ALDH1L1: variants seen among roughly 807,000 people sequenced by gnomAD.
The protein encoded by ALDH1L1 is cytosolic 10-formyltetrahydrofolate dehydrogenase.
ALDH1L1 carries 68 observed loss-of-function variants against 101.1 expected under a neutral mutation model. The observed-to-expected ratio is 0.67, with a 90% CI of 0.55 to 0.82. ALDH1L1 has a LOEUF of 0.82. ALDH1L1 is among the 40% of genes least tolerant of loss of function. The pLI is 0.00. For synonymous variants in ALDH1L1, 486 were observed against 470.8 expected (o/e 1.03, Z -0.42); for missense variants, 1,087 against 1,172.7 (o/e 0.93, Z 1.07).
rs1330370048 is a variant in ALDH1L1 at position 126,158,556 on chromosome 3, C to T, written c.211G>A (p.Ala71Thr). 6.2e-7 allele frequency: 1 copy of T among 1,614,208 alleles called. No individual in the cohort carries two copies. The highest frequency in any genetic ancestry group is 2.2e-5 in the East Asian group (1 of 44,880). ...AKGQALPDVV[A>T]KYQALGAELN... ...TCGGCCCCCAAAGCCTGGTATTTTG[C>T]CACCACATCAGGCAAAGCCTGTCCT... The change falls in exon 3 of 23, where the codon GCA (alanine) becomes ACA (threonine). Residue 71 changes from alanine (A) to threonine (T), a missense_variant. By Grantham distance (58) the Ala-to-Thr change is moderately conservative. This residue lies in a region of ALDH1L1 where 645 missense variants were observed against 637.0 expected (regional missense o/e 1.01). Transcript: ENST00000393434.
chr3:126,195,915 G>A (rs1365886611), intron 1 of ALDH1L1, among the ~76,000 whole-genome samples: 3 of 152,020 alleles, frequency 2.0e-5, no homozygotes, highest in African/African-American at 7.2e-5. Flanking sequence ...CGAACAATGA[G>A]AACACTTGGA....
rs575953682 is a variant in ALDH1L1 at position 126,108,772 on chromosome 3, G to T, written c.2347+1172C>A. On this transcript the variant is annotated intron_variant, in intron 20 of 22. Transcript: ENST00000393434. ...ATGCATGGAGCCCAAGAAAGCAGGA[G>T]AAGCCTCTGGAGAGAATGAAATGCA... is the stretch of plus-strand genomic sequence containing the variant. Among the ~76,000 whole-genome samples, 237 of 152,352 alleles carry T rather than the reference G, an allele frequency of 1.6e-3. 1 individual carries two copies. Among genetic ancestry groups the T allele is most frequent in the Non-Finnish European group, 2.7e-3 (186 of 68,030 alleles).
At position 126,170,362 on chromosome 3, in the gene ALDH1L1, A is replaced by G. The variant is rs570819435; in HGVS notation, c.-23-9360T>C. On this transcript the variant is annotated intron_variant, in intron 1 of 22. Transcript: ENST00000393434. Reference sequence around the variant, plus strand: ...CTTAATTATTATCCTCATAGCAGGAATAACAGTTACTAACAAAAAATAACA... The same window carrying G: ...CTTAATTATTATCCTCATAGCAGGAGTAACAGTTACTAACAAAAAATAACA... Among the ~76,000 whole-genome samples, 3 of 151,996 alleles carry G rather than the reference A, an allele frequency of 2.0e-5. No individual in the cohort carries two copies. In the South Asian group the frequency reaches 6.2e-4, roughly 32 times the overall value.
Position 126,137,804 on chromosome 3 carries a change from A to G in ALDH1L1, c.1224+9T>C. 1 of 1,612,964 alleles carries G rather than the reference A, an allele frequency of 6.2e-7. No homozygotes were observed. Among genetic ancestry groups the G allele is most frequent in the Non-Finnish European group, 8.5e-7 (1 of 1,179,560 alleles). On this transcript the variant is annotated intron_variant, in intron 10 of 22. Coordinates refer to ENST00000393434, the MANE Select transcript of ALDH1L1 (RefSeq NM_012190.4). ...GCAGGGCCTGCTGCAGGGAGGGCCC[A>G]GCACTCACGTAGTCAATGCTGCACT...
chr3:126,134,423 C>A (rs761868890), intron 12 of ALDH1L1, among the ~76,000 whole-genome samples: 1 of 152,198 alleles, frequency 6.6e-6, no homozygotes, highest in Admixed American at 6.5e-5. Context: ...GAGGTTCTCC[C>A]GCCACCTGTC....
intron 12 of ALDH1L1, 81 bp downstream of exon 12, chr3:126,135,454 G>A (rs768856458): frequency 3.2e-6 from 5 of 1,552,920 alleles, no homozygotes; most frequent in Middle Eastern, 1.7e-4. Context: ...CAGGTAAAAG[G>A]GCCTCCACAG....
At chr3:126,115,387 C>T (rs1418196909) in intron 17 of ALDH1L1, 1 of 263,748 alleles carries the variant, frequency 3.8e-6, no homozygotes, top group East Asian at 1.1e-4. Context: ...TGGCACCCAT[C>T]TCAGCTGCAG....
chr3:126,173,908 C>T (rs113067840), intron 1 of ALDH1L1, among the ~76,000 whole-genome samples: 192 of 152,348 alleles, frequency 1.3e-3, no homozygotes, highest in African/African-American at 4.1e-3. Flanking sequence ...AGACATAATA[C>T]TCCTTAATAT....
At chr3:126,185,372 G>C (rs996938700), upstream of ALDH1L1, among the ~76,000 whole-genome samples, 33 of 152,254 alleles carry the variant, frequency 2.2e-4, no homozygotes, top group African/African-American at 7.7e-4. Flanking sequence ...TACTCCAGGT[G>C]CTCGCACCTC....
chr3:126,168,280 T>G (rs2081206419), intron 1 of ALDH1L1, among the ~76,000 whole-genome samples: 1 of 152,152 alleles, frequency 6.6e-6, no homozygotes, highest in South Asian at 2.1e-4. Flanking sequence ...AAGATTTTCT[T>G]AAAATGCTAA....
rs1469751068 is a variant in ALDH1L1 at position 126,125,847 on chromosome 3, C to G, written c.1695-126G>C. ...CAAAGCCAGGCTTCCTGATAAGGCA[C>G]CCAAGGTCCCTCTGAGAGGCAGCTC... On this transcript the variant is annotated intron_variant, in intron 14 of 22. Transcript: ENST00000393434. 6 of 592,798 alleles carry G rather than the reference C, an allele frequency of 1.0e-5. No individual in the cohort carries two copies. The Admixed American group carries it at 2.3e-4, about 23-fold the overall frequency. The allele number at this position is 592,798 out of a possible 1,614,324, so 36.7% of individuals were successfully genotyped here.
intron 8 of ALDH1L1, among the ~76,000 whole-genome samples, chr3:126,148,533 G>A (rs2080743320): frequency 6.6e-6 from 1 of 152,154 alleles, no homozygotes; most frequent in South Asian, 2.1e-4. Context: ...ACATCCTGGA[G>A]GCCGAGTGCA....
intron 22 of ALDH1L1, chr3:126,105,476 C>G (rs1439146586): frequency 1.9e-6 from 1 of 524,774 alleles, no homozygotes; most frequent in East Asian, 3.6e-5. Flanking sequence ...AGAGAGGCCC[C>G]CAGTGCCTCC....
chr3:126,169,965 G>C (rs549928617), intron 1 of ALDH1L1, among the ~76,000 whole-genome samples: 1 of 151,814 alleles, frequency 6.6e-6, no homozygotes, highest in Admixed American at 6.6e-5. Context: ...AATTATATCC[G>C]TTACAGAAAT....
intron 5 of ALDH1L1, among the ~76,000 whole-genome samples, chr3:126,155,095 G>A (rs919987463): frequency 6.6e-6 from 1 of 152,094 alleles, no homozygotes; most frequent in Non-Finnish European, 1.5e-5. Flanking sequence ...AAGACTGCTC[G>A]CACTACGGCT....
intron 18 of ALDH1L1, among the ~76,000 whole-genome samples, chr3:126,113,320 G>A (rs894727244): frequency 3.9e-5 from 6 of 152,242 alleles, no homozygotes; most frequent in African/African-American, 1.4e-4. Flanking sequence ...GGAGCAGGCG[G>A]TGGGTGACAG....
intron 1 of ALDH1L1, among the ~76,000 whole-genome samples, chr3:126,193,942 A>C (rs1440449874): frequency 1.3e-5 from 2 of 152,182 alleles, no homozygotes; most frequent in African/African-American, 4.8e-5. Context: ...AAATGATTCT[A>C]AAGTTATTAG....
chr3:126,188,946 T>G (rs563997182), intron 1 of ALDH1L1, among the ~76,000 whole-genome samples: 2 of 152,074 alleles, frequency 1.3e-5, no homozygotes, highest in East Asian at 3.9e-4. Context: ...CTGTTTGTTG[T>G]TTTTTTGTGA....
chr3:126,125,261 C>A (rs1420083457), intron 15 of ALDH1L1, among the ~76,000 whole-genome samples: 1 of 152,194 alleles, frequency 6.6e-6, no homozygotes, highest in African/African-American at 2.4e-5. Flanking sequence ...GGACATGGCA[C>A]CAGCTTTATG....
Sources: allele counts gnomAD v4.1 joint callset (sites outside exome capture counted in the v4.1 genomes callset), GRCh38; gene constraint gnomAD v4.1.1; regional missense constraint gnomAD v4.1.1; transcripts MANE v1.5; gene names NCBI Gene and HGNC (gene_info 2026-07-23, HGNC 2026-07-21).